Variants in INPP4B observed in about 807,000 individuals in gnomAD.
The protein encoded by INPP4B is inositol polyphosphate 4-phosphatase type II.
INPP4B carries 55 observed loss-of-function variants against 122.5 expected under a neutral mutation model. The observed-to-expected ratio is 0.45, with a 90% CI of 0.36 to 0.56. The LOEUF is 0.56. Among genes scored for constraint, INPP4B ranks in the 20% least tolerant of loss-of-function variants. The pLI is 0.00. For synonymous variants in INPP4B, 403 were observed against 388.7 expected (o/e 1.04, Z -0.43); for missense variants, 1,000 against 1,097.7 (o/e 0.91, Z 1.26).
chr4:142,698,733 G>A (rs933997946), intron 2 of INPP4B, among the ~76,000 whole-genome samples: 2 of 152,158 alleles, frequency 1.3e-5, no homozygotes, highest in Non-Finnish European at 2.9e-5. Context: ...GTGCATTGCT[G>A]AAAGGAGTTG....
chr4:142,219,333 T>C (rs1435669303), intron 12 of INPP4B, among the ~76,000 whole-genome samples: 2 of 152,144 alleles, frequency 1.3e-5, no homozygotes, highest in Non-Finnish European at 2.9e-5. Context: ...TAGAAAAAAA[T>C]GAAGAACAAT....
intron 18 of INPP4B, among the ~76,000 whole-genome samples, chr4:142,130,972 C>T (rs1800969633): frequency 6.6e-6 from 1 of 152,150 alleles, no homozygotes; most frequent in Non-Finnish European, 1.5e-5. Flanking sequence ...TATTTCGTAG[C>T]ACAAAATTGA....
intron 7 of INPP4B, among the ~76,000 whole-genome samples, chr4:142,328,128 C>T (rs1001014478): frequency 7.9e-6 from 1 of 126,424 alleles, no homozygotes; most frequent in Non-Finnish European, 1.9e-5. Flanking sequence ...GCATGGCTAA[C>T]TCAGTGTTGT....
chr4:142,194,254 A>G lies in INPP4B; in HGVS notation c.1073-1059T>C, dbSNP rs143545497. Reference sequence around the variant, plus strand: ...ACACAAACCAACCCGTCAATAAGGCATACAATGAAAATCACTTAATAGTTC... The same window carrying G: ...ACACAAACCAACCCGTCAATAAGGCGTACAATGAAAATCACTTAATAGTTC... On this transcript the variant is annotated intron_variant, in intron 14 of 25. Transcript: ENST00000262992. 9.8e-3 allele frequency among the ~76,000 whole-genome samples: 1,493 copies of G among 152,306 alleles called. 22 individuals carry two copies. The highest frequency in any genetic ancestry group is 0.033 in the African/African-American group (1,383 of 41,562).
chr4:142,562,222 G>A (rs1730627208), intron 2 of INPP4B, among the ~76,000 whole-genome samples: 1 of 152,108 alleles, frequency 6.6e-6, no homozygotes, highest in African/African-American at 2.4e-5. Context: ...ACAAAGATAG[G>A]TATTTTCTCA....
intron 25 of INPP4B, among the ~76,000 whole-genome samples, chr4:142,069,709 T>C (rs1430120942): frequency 6.6e-6 from 1 of 152,154 alleles, no homozygotes; most frequent in African/African-American, 2.4e-5. Flanking sequence ...TAAACACCTC[T>C]ACACAAATAA....
At chr4:142,233,365 A>T (rs1161164538) in intron 12 of INPP4B, among the ~76,000 whole-genome samples, 1 of 152,186 alleles carries the variant, frequency 6.6e-6, no homozygotes, top group Non-Finnish European at 1.5e-5. Flanking sequence ...AATTTCAGAA[A>T]ATAGTTATTT....
intron 2 of INPP4B, among the ~76,000 whole-genome samples, chr4:142,537,427 T>G (rs867199206): frequency 0.014 from 472 of 33,682 alleles, 4 homozygotes; most frequent in African/African-American, 0.027. Flanking sequence ...TATATATATA[T>G]ATAGAGAGAG....
At chr4:142,327,730 T>C (rs1177932097) in intron 7 of INPP4B, among the ~76,000 whole-genome samples, 1 of 152,210 alleles carries the variant, frequency 6.6e-6, no homozygotes, top group Non-Finnish European at 1.5e-5. Context: ...TCACTCAACA[T>C]TCTCTTTCAC....
chr4:142,332,603 A>T lies in INPP4B; in HGVS notation c.373-17841T>A, dbSNP rs186372483. 1.6e-4 allele frequency among the ~76,000 whole-genome samples: 24 copies of T among 152,262 alleles called. No homozygotes were observed. The East Asian group carries it at 4.1e-3, about 26-fold the overall frequency. On this transcript the variant is annotated intron_variant, in intron 7 of 25. Transcript: ENST00000262992. ...AAAGTAATTTAATTTAACCATTTTC[A>T]TGTAAAGTTAAGAAAACTGAGGCTA...
intron 2 of INPP4B, among the ~76,000 whole-genome samples, chr4:142,477,125 A>C (rs1037296938): frequency 1.5e-4 from 23 of 152,226 alleles, no homozygotes; most frequent in African/African-American, 5.3e-4. Context: ...ATAAAAATAG[A>C]AAACAATATT....
At chr4:142,402,255 G>C (rs1801865976) in intron 7 of INPP4B, among the ~76,000 whole-genome samples, 1 of 152,150 alleles carries the variant, frequency 6.6e-6, no homozygotes, top group Admixed American at 6.5e-5. Flanking sequence ...ATTTAAAGGA[G>C]AGAACTGCCT....
At chr4:142,507,575 A>C (rs1467538705) in intron 2 of INPP4B, among the ~76,000 whole-genome samples, 1 of 152,082 alleles carries the variant, frequency 6.6e-6, no homozygotes, top group Non-Finnish European at 1.5e-5. Context: ...AGATAAAAAA[A>C]GACACAGCAT....
chr4:142,802,344 C>A (rs1186775030), intron 1 of INPP4B, among the ~76,000 whole-genome samples: 2 of 152,084 alleles, frequency 1.3e-5, no homozygotes, highest in African/African-American at 2.4e-5. Context: ...AAAGAGAAAA[C>A]AAGTATGAAG....
At chr4:142,394,804 C>A (rs1212215724) in intron 7 of INPP4B, among the ~76,000 whole-genome samples, 1 of 152,056 alleles carries the variant, frequency 6.6e-6, no homozygotes, top group Non-Finnish European at 1.5e-5. Flanking sequence ...TGTGTAGAAG[C>A]CTTTGATGCA....
At chr4:142,810,097 G>A (rs955315664) in intron 1 of INPP4B, among the ~76,000 whole-genome samples, 11 of 150,216 alleles carry the variant, frequency 7.3e-5, no homozygotes, top group African/African-American at 2.5e-4. Context: ...TTGAACCCAA[G>A]AGATGGAGGT....
rs911900480 is a variant in INPP4B, at chr4:142,274,303, T to A, written c.504-3529A>T. Among the ~76,000 whole-genome samples, 4 of 151,968 alleles carry A rather than the reference T, an allele frequency of 2.6e-5. No homozygotes were observed. In the South Asian group the frequency reaches 6.2e-4, roughly 24 times the overall value. Reference sequence around the variant, plus strand: ...CTAACTAGCTATGTGACTAAGTGCATATCACTTCAGTTCTCTGGATTTGTT... The same window carrying A: ...CTAACTAGCTATGTGACTAAGTGCAAATCACTTCAGTTCTCTGGATTTGTT... On this transcript the variant is annotated intron_variant, in intron 9 of 25. Coordinates refer to ENST00000262992, the MANE Select transcript of INPP4B (RefSeq NM_001101669.3).
At chr4:142,402,836 G>A (rs1802084302) in intron 7 of INPP4B, 102 bp downstream of exon 7, 7 of 734,670 alleles carry the variant, frequency 9.5e-6, no homozygotes, top group East Asian at 2.5e-5. Flanking sequence ...TCATGAACAC[G>A]GTGCAAATAT....
chr4:142,071,438 T>A lies in INPP4B; in HGVS notation c.2642+10593A>T, dbSNP rs542889733. Among the ~76,000 whole-genome samples, 500 of 152,292 alleles carry A rather than the reference T, an allele frequency of 3.3e-3. 3 individuals are homozygous for A. The highest frequency in any genetic ancestry group is 0.011 in the African/African-American group (470 of 41,572). ...GACATAGGCATGGGCAAGGACTTCA[T>A]GTCTAAAACACCAAAAGCAATGGCA... On this transcript the variant is annotated intron_variant, in intron 25 of 25. Coordinates refer to ENST00000262992, the MANE Select transcript of INPP4B (RefSeq NM_001101669.3).
Sources: gnomAD v4.1 joint callset for allele counts (sites outside exome capture counted in the v4.1 genomes callset) on GRCh38, gnomAD v4.1.1 for gene constraint, MANE v1.5 for transcripts, NCBI Gene and HGNC (gene_info 2026-07-23, HGNC 2026-07-21) for gene names.